The following AGBL1 variants were observed in gnomAD, a reference collection of about 807,000 sequenced individuals.
AGBL1 encodes cytosolic carboxypeptidase 4.
AGBL1 carries 130 observed loss-of-function variants against 118.9 expected under a neutral mutation model. The observed-to-expected ratio is 1.09, with a 90% CI of 0.95 to 1.26. The LOEUF (loss-of-function observed/expected upper bound fraction) is 1.26. Among genes scored for constraint, AGBL1 ranks in the 50% most tolerant of loss-of-function variants. The pLI is 0.00. For synonymous variants in AGBL1, 555 were observed against 478.9 expected (o/e 1.16, Z -2.08); for missense variants, 1,584 against 1,298.1 (o/e 1.22, Z -3.38).
chr15:86,229,714 C>T (rs948981456), intron 6 of AGBL1, among the ~76,000 whole-genome samples: 3 of 152,158 alleles, frequency 2.0e-5, no homozygotes, highest in African/African-American at 7.2e-5. Flanking sequence ...GGCATAAATG[C>T]ATTTTTGAAA....
chr15:86,229,463 G>A (rs187971174), intron 6 of AGBL1, among the ~76,000 whole-genome samples: 14 of 152,244 alleles, frequency 9.2e-5, no homozygotes, highest in East Asian at 1.9e-4. Flanking sequence ...AACTGCCCCC[G>A]TGATTCAATT....
intron 16 of AGBL1, among the ~76,000 whole-genome samples, chr15:86,289,368 A>G (rs2079508708): frequency 6.6e-6 from 1 of 151,960 alleles, no homozygotes; most frequent in Non-Finnish European, 1.5e-5. Flanking sequence ...TAACTTTACT[A>G]GTGCTTTCTT....
intron 18 of AGBL1, among the ~76,000 whole-genome samples, chr15:86,444,172 C>T (rs550410648): frequency 7.5e-4 from 114 of 152,268 alleles, no homozygotes; most frequent in Admixed American, 1.3e-3. Context: ...TGATATCTCA[C>T]TGTTTTGATT....
At chr15:86,186,204 C>G (rs1331726250) in intron 5 of AGBL1, among the ~76,000 whole-genome samples, 1 of 151,470 alleles carries the variant, frequency 6.6e-6, no homozygotes, top group Non-Finnish European at 1.5e-5. Context: ...CGGGGAACAA[C>G]AGGCGCTGGG....
At chr15:86,522,768 CT>C in intron 18 of AGBL1, 41 bp from the exon 19 acceptor site, 1 of 1,598,302 alleles carries the variant, frequency 6.3e-7, no homozygotes, top group Non-Finnish European at 8.6e-7. Flanking sequence ...AAGTTATTTT[CT>C]TCTGAATGTG....
chr15:86,647,516 C>T (rs2085302472), intron 21 of AGBL1, among the ~76,000 whole-genome samples: 1 of 152,176 alleles, frequency 6.6e-6, no homozygotes, highest in Non-Finnish European at 1.5e-5. Flanking sequence ...GCCTGCCCAA[C>T]ATGGTGAAAC....
chr15:86,970,270 A>G (rs902342749), intron 23 of AGBL1, among the ~76,000 whole-genome samples: 4 of 151,978 alleles, frequency 2.6e-5, no homozygotes, highest in Non-Finnish European at 5.9e-5. Flanking sequence ...CAATACAGGA[A>G]TATTAATAAT....
intron 22 of AGBL1, among the ~76,000 whole-genome samples, chr15:86,883,368 A>G (rs2079923151): frequency 6.6e-6 from 1 of 152,180 alleles, no homozygotes; most frequent in African/African-American, 2.4e-5. Flanking sequence ...CACACAGCTT[A>G]CACTTCCAAC....
At chr15:86,869,392 C>A (rs779072340) in intron 22 of AGBL1, among the ~76,000 whole-genome samples, 14 of 152,134 alleles carry the variant, frequency 9.2e-5, no homozygotes, top group Non-Finnish European at 1.6e-4. Context: ...GCTCAACATC[C>A]TTGGATTAAT....
chr15:86,792,661 G>A (rs1188518685), intron 22 of AGBL1, among the ~76,000 whole-genome samples: 2 of 152,088 alleles, frequency 1.3e-5, no homozygotes, highest in African/African-American at 2.4e-5. Flanking sequence ...AACAATATTA[G>A]CGGGGTGTGG....
chr15:86,395,638 A>G (rs1310436288), intron 17 of AGBL1, among the ~76,000 whole-genome samples: 1 of 152,074 alleles, frequency 6.6e-6, no homozygotes, highest in African/African-American at 2.4e-5. Flanking sequence ...TGTTACCTCC[A>G]GTGTATAGGT....
At chr15:86,562,867 C>G (rs1333739087) in intron 21 of AGBL1, among the ~76,000 whole-genome samples, 3 of 116,778 alleles carry the variant, frequency 2.6e-5, no homozygotes, top group African/African-American at 8.6e-5. Context: ...CTGGTTTAGT[C>G]TTGGGAGGGT....
At chr15:86,232,906 T>C (rs1441085402) in intron 6 of AGBL1, among the ~76,000 whole-genome samples, 1 of 151,864 alleles carries the variant, frequency 6.6e-6, no homozygotes, top group Non-Finnish European at 1.5e-5. Context: ...GGGTAGGGAG[T>C]AGGGAGAGAA....
chr15:86,705,535 A>G (rs189637666), intron 22 of AGBL1, among the ~76,000 whole-genome samples: 5 of 152,290 alleles, frequency 3.3e-5, no homozygotes, highest in Middle Eastern at 3.4e-3. Flanking sequence ...ATTACTGGAA[A>G]GTATGTTTAT....
chr15:86,696,724 T>C (rs912439129), intron 22 of AGBL1, among the ~76,000 whole-genome samples: 1 of 151,976 alleles, frequency 6.6e-6, no homozygotes, highest in Non-Finnish European at 1.5e-5. Context: ...AGGTTCTATT[T>C]TGATGTGTTT....
rs1201637793 is a variant in AGBL1 at position 86,797,688 on chromosome 15, A to G, written c.3159-109399A>G. Among the ~76,000 whole-genome samples the G allele has an allele frequency of 2.6e-5, 4 of 152,216 alleles. No homozygotes were observed. In the South Asian group the frequency reaches 6.2e-4, roughly 24 times the overall value. ...GAAAAAAAGGTAGAAATGCATTTCA[A>G]GAGGCAAGGACCTTCAAGTTAAGAG... On this transcript the variant is annotated intron_variant, in intron 22 of 22. Coordinates refer to ENST00000614907, the MANE Select transcript of AGBL1 (RefSeq NM_001386094.1).
chr15:86,844,519 ATCCCTC>A (rs1382425164), intron 22 of AGBL1, among the ~76,000 whole-genome samples: 1 of 152,056 alleles, frequency 6.6e-6, no homozygotes. Context: ...CTTTGGTGAA[ATCCCTC>A]TCCGAATATT....
chr15:86,333,895 A>C (rs1410983287), intron 17 of AGBL1, among the ~76,000 whole-genome samples: 1 of 152,198 alleles, frequency 6.6e-6, no homozygotes, highest in Non-Finnish European at 1.5e-5. Flanking sequence ...CAAATCAATA[A>C]ATGTGATTCA....
At chr15:86,849,295 A>T (rs981543537) in intron 22 of AGBL1, among the ~76,000 whole-genome samples, 4 of 152,214 alleles carry the variant, frequency 2.6e-5, no homozygotes, top group African/African-American at 9.6e-5. Flanking sequence ...AGAGTCCCTA[A>T]GAAGCAGTTC....
Sources: gnomAD v4.1 joint callset for allele counts (sites outside exome capture counted in the v4.1 genomes callset) on GRCh38, gnomAD v4.1.1 for gene constraint, MANE v1.5 for transcripts, NCBI Gene and HGNC (gene_info 2026-07-23, HGNC 2026-07-21) for gene names.